RBMS3: variants seen among roughly 807,000 people sequenced by gnomAD.
The protein encoded by RBMS3 is RNA binding motif single stranded interacting protein 3.
A neutral mutation model predicts 66.8 loss-of-function variants in RBMS3; 27 were observed. That is an observed-to-expected ratio of 0.40 (90% CI 0.30 to 0.56). The LOEUF is 0.56. RBMS3 is among the 20% of genes least tolerant of loss of function. The pLI, the probability that RBMS3 is intolerant of heterozygous loss-of-function variation, is 0.40. For synonymous variants in RBMS3, 188 were observed against 183.0 expected (o/e 1.03, Z -0.22); for missense variants, 513 against 549.5 (o/e 0.93, Z 0.66).
intron 1 of RBMS3, among the ~76,000 whole-genome samples, chr3:29,311,151 G>T (rs1228014452): frequency 3.3e-5 from 5 of 151,744 alleles, no homozygotes; most frequent in Admixed American, 6.6e-5. Context: ...GATAAACAGA[G>T]CTAATAAGCA....
At chr3:29,972,377 C>G (rs546964064) in intron 12 of RBMS3, among the ~76,000 whole-genome samples, 4 of 152,002 alleles carry the variant, frequency 2.6e-5, no homozygotes, top group Non-Finnish European at 5.9e-5. Flanking sequence ...GCTTTATGCC[C>G]TGTTGTTTGC....
chr3:29,672,481 C>T (rs1022727924), intron 4 of RBMS3, among the ~76,000 whole-genome samples: 15 of 152,120 alleles, frequency 9.9e-5, no homozygotes, highest in Non-Finnish European at 2.2e-4. Flanking sequence ...AATTAAAAGA[C>T]ACAGACTTGC....
chr3:29,488,529 T>C, intron 3 of RBMS3, 30 bp downstream of exon 3: 1 of 1,581,892 alleles, frequency 6.3e-7, no homozygotes, highest in Non-Finnish European at 8.7e-7. Context: ...TACCCTGAAA[T>C]CTTGCCTATG....
chr3:29,768,929 A>C (rs1244721671), intron 6 of RBMS3, among the ~76,000 whole-genome samples: 3 of 151,830 alleles, frequency 2.0e-5, no homozygotes, highest in Non-Finnish European at 4.4e-5. Context: ...GATTTTGGGG[A>C]AAGTCAAATT....
At chr3:29,981,310 C>T (rs1697975549) in intron 12 of RBMS3, among the ~76,000 whole-genome samples, 1 of 152,172 alleles carries the variant, frequency 6.6e-6, no homozygotes, top group Non-Finnish European at 1.5e-5. Context: ...AGTTGCTCAA[C>T]AGCTTAAGGA....
intron 4 of RBMS3, among the ~76,000 whole-genome samples, chr3:29,657,226 A>T (rs1252323979): frequency 6.6e-6 from 1 of 152,188 alleles, no homozygotes; most frequent in African/African-American, 2.4e-5. Context: ...CCCATTTTAT[A>T]ATCTACCAGG....
chr3:29,462,352 T>C (rs1322049820), intron 2 of RBMS3, among the ~76,000 whole-genome samples: 1 of 152,238 alleles, frequency 6.6e-6, no homozygotes, highest in Non-Finnish European at 1.5e-5. Context: ...GAATTCCAAA[T>C]ATTTAATGAT....
chr3:29,953,471 T>C (rs1577236605), intron 12 of RBMS3, among the ~76,000 whole-genome samples: 1 of 151,970 alleles, frequency 6.6e-6, no homozygotes, highest in South Asian at 2.1e-4. Flanking sequence ...TAAAGGTTAT[T>C]TGAAAGATTT....
chr3:29,437,101 C>T (rs570013742), intron 2 of RBMS3, among the ~76,000 whole-genome samples: 1 of 150,892 alleles, frequency 6.6e-6, no homozygotes, highest in Admixed American at 6.6e-5. Flanking sequence ...CTGGCTCTGA[C>T]TAACACACTT....
At chr3:29,759,810 A>G (rs1267601532) in intron 5 of RBMS3, among the ~76,000 whole-genome samples, 1 of 151,976 alleles carries the variant, frequency 6.6e-6, no homozygotes, top group Non-Finnish European at 1.5e-5. Context: ...GGCAGCTCCT[A>G]TATTGCCATC....
chr3:29,359,253 T>A (rs182257040), intron 1 of RBMS3, among the ~76,000 whole-genome samples: 2,088 of 152,316 alleles, frequency 0.014, 58 homozygotes, highest in African/African-American at 0.048. Context: ...GGTTTTAGCA[T>A]GAAGGGCTGT....
chr3:29,521,797 G>A (rs1250368134), intron 3 of RBMS3, among the ~76,000 whole-genome samples: 1 of 152,168 alleles, frequency 6.6e-6, no homozygotes, highest in Non-Finnish European at 1.5e-5. Flanking sequence ...AGGTCATACA[G>A]TCAGTAAGTG....
intron 1 of RBMS3, among the ~76,000 whole-genome samples, chr3:29,308,892 T>C (rs1211650598): frequency 6.6e-6 from 1 of 151,480 alleles, no homozygotes; most frequent in African/African-American, 2.4e-5. Context: ...ATCTGGAAGA[T>C]GATGAGCTCT....
chr3:29,470,834 TAAAC>T (rs930982941), intron 2 of RBMS3, among the ~76,000 whole-genome samples: 3 of 150,654 alleles, frequency 2.0e-5, no homozygotes, highest in Admixed American at 6.7e-5. Context: ...AATCAATCAA[TAAAC>T]AAACACACAA....
intron 8 of RBMS3, among the ~76,000 whole-genome samples, chr3:29,896,234 C>G (rs1022134623): frequency 2.6e-5 from 4 of 151,216 alleles, no homozygotes; most frequent in Non-Finnish European, 4.4e-5. Flanking sequence ...TCTAGTCCTC[C>G]CATATTTAAT....
At chr3:29,915,676 A>G (rs1177731199) in intron 10 of RBMS3, among the ~76,000 whole-genome samples, 3 of 151,970 alleles carry the variant, frequency 2.0e-5, no homozygotes, top group Admixed American at 1.3e-4. Context: ...TTGACAGACA[A>G]TCAGCAGGAG....
At chr3:29,659,016 A>G (rs2050427137) in intron 4 of RBMS3, among the ~76,000 whole-genome samples, 2 of 152,056 alleles carry the variant, frequency 1.3e-5, no homozygotes, top group African/African-American at 4.8e-5. Flanking sequence ...ATGGGGTTTC[A>G]CCGTGTTAGC....
intron 1 of RBMS3, among the ~76,000 whole-genome samples, chr3:29,356,947 G>A (rs1278193668): frequency 2.6e-5 from 4 of 152,036 alleles, no homozygotes; most frequent in Admixed American, 6.6e-5. Flanking sequence ...ATCGAGTGCA[G>A]CTTTACAACA....
At chr3:29,603,807 C>T (rs2048231088) in intron 4 of RBMS3, among the ~76,000 whole-genome samples, 1 of 151,950 alleles carries the variant, frequency 6.6e-6, no homozygotes, top group Non-Finnish European at 1.5e-5. Context: ...GGTGTACATT[C>T]AACTGGCCAC....
Sources: gnomAD v4.1 joint callset for allele counts (sites outside exome capture counted in the v4.1 genomes callset) on GRCh38, gnomAD v4.1.1 for gene constraint, MANE v1.5 for transcripts, NCBI Gene and HGNC (gene_info 2026-07-23, HGNC 2026-07-21) for gene names.